ZNF609: variants seen among roughly 807,000 people sequenced by gnomAD.
The protein encoded by ZNF609 is zinc finger protein 609.
In ZNF609, 11 loss-of-function variants were observed where a neutral mutation model predicts 109.5. The ratio of observed to expected loss-of-function variants is 0.10; its 90% CI spans 0.06 to 0.17. The LOEUF is 0.17. Ranked by LOEUF, ZNF609 falls within the 10% of genes least tolerant of loss-of-function variation. The pLI, the probability that ZNF609 is intolerant of heterozygous loss-of-function variation, is 1.00. For missense variants in ZNF609, 1,559 were observed against 1,772.4 expected, an observed-to-expected ratio of 0.88 and a Z score of 2.16; for synonymous variants, 646 against 662.0, an observed-to-expected ratio of 0.98 and a Z score of 0.37.
chr15:64,671,209 CAAAAAAAAAAAAA>C (rs946787824), intron 4 of ZNF609: 2 of 47,186 alleles, frequency 4.2e-5, no homozygotes, highest in Admixed American at 4.4e-4. Flanking sequence ...GACTCCGTCT[CAAAAAAAAAAAAA>C]AAAAAAAAAA....
chr15:64,607,770 G>A lies in ZNF609; in HGVS notation c.748-15057G>A, dbSNP rs192096171. ...TCCACCCTCCTTGGCCCCCCAAAGT[G>A]CTGGGATTACAGGCGTCATCTACTG... On this transcript the variant is annotated intron_variant, in intron 2 of 9. Coordinates refer to ENST00000326648, the MANE Select transcript of ZNF609 (RefSeq NM_015042.2). 2.0e-5 allele frequency among the ~76,000 whole-genome samples: 3 copies of A among 151,334 alleles called. No individual in the cohort carries two copies. In the East Asian group the frequency reaches 5.8e-4, roughly 29 times the overall value.
chr15:64,663,563 G>C (rs1452122115), intron 3 of ZNF609, among the ~76,000 whole-genome samples: 1 of 152,112 alleles, frequency 6.6e-6, no homozygotes, highest in Non-Finnish European at 1.5e-5. Context: ...AGAGGTTGGG[G>C]CTAGGGATAG....
chr15:64,525,472 T>C (rs765608619), intron 2 of ZNF609, among the ~76,000 whole-genome samples: 1 of 152,224 alleles, frequency 6.6e-6, no homozygotes, highest in African/African-American at 2.4e-5. Flanking sequence ...ACAATCTTGA[T>C]TACTCATCTT....
At chr15:64,530,053 C>A (rs1894036258) in intron 2 of ZNF609, among the ~76,000 whole-genome samples, 1 of 151,228 alleles carries the variant, frequency 6.6e-6, no homozygotes, top group Non-Finnish European at 1.5e-5. Flanking sequence ...TAAACTCTGT[C>A]ACCCTGTCTG....
chr15:64,475,478 T>A (rs1893157101), intron 1 of ZNF609, among the ~76,000 whole-genome samples: 1 of 132,844 alleles, frequency 7.5e-6, no homozygotes, highest in African/African-American at 2.8e-5. Flanking sequence ...AACCTCCACC[T>A]CCCAGGTTCA....
chr15:64,609,681 A>AT (rs113533250), intron 2 of ZNF609, among the ~76,000 whole-genome samples: 9,416 of 142,094 alleles, frequency 0.066, 972 homozygotes, highest in African/African-American at 0.22. Context: ...TAAGGTTCTC[A>AT]TTTTTTTTTT....
At position 64,630,091 on chromosome 15, in the gene ZNF609, C is replaced by CT. The variant is rs200425813; in HGVS notation, c.973+7045dup. Reference sequence around the variant, plus strand: ...CCTACATTACCATCCTCCTAATTTTCTTTTTTCTTTTTTTTTTTTTTTTTG... The same window carrying CT: ...CCTACATTACCATCCTCCTAATTTTCTTTTTTTCTTTTTTTTTTTTTTTTTG... On this transcript the variant is annotated intron_variant, in intron 3 of 9. Transcript: ENST00000326648. Among the ~76,000 whole-genome samples, 110 of 143,078 alleles carry CT rather than the reference C, an allele frequency of 7.7e-4. 1 individual carries two copies. The highest frequency in any genetic ancestry group is 2.6e-3 in the African/African-American group (97 of 37,142). 93.9% of individuals were successfully genotyped at this position (143,078 alleles called of 152,430 possible).
At chr15:64,678,551 G>C (rs777247482) in intron 6 of ZNF609, 69 bp downstream of exon 6, 1 of 1,514,686 alleles carries the variant, frequency 6.6e-7, no homozygotes, top group Non-Finnish European at 8.8e-7. Flanking sequence ...TTCACATCCA[G>C]AGTTTTCTTG....
chr15:64,526,025 A>G (rs1194273557), intron 2 of ZNF609, among the ~76,000 whole-genome samples: 2 of 151,176 alleles, frequency 1.3e-5, no homozygotes, highest in African/African-American at 4.9e-5. Context: ...CCTGGCCTCG[A>G]GTGATCTGCC....
chr15:64,499,904 A>G lies in ZNF609; in HGVS notation c.485A>G (p.Asn162Ser), dbSNP rs370778220. The G allele has an allele frequency of 1.1e-5, 17 of 1,613,960 alleles. No homozygotes were observed. Among genetic ancestry groups the G allele is most frequent in the Middle Eastern group, 1.6e-4 (1 of 6,084 alleles). Reference protein sequence around the residue: ...SVAGSKKEKENSSSKSKKERS... With the variant: ...SVAGSKKEKESSSSKSKKERS... ...GCCGGTTCCAAAAAGGAGAAGGAGA[A>G]CAGCTCATCTAAGAGCAAGAAGGAG... The change falls in exon 2 of 10, where the codon AAC becomes AGC. Residue 162 changes from asparagine to serine, a missense_variant. By Grantham distance (46) the Asn-to-Ser change is conservative. Transcript: ENST00000326648.
chr15:64,508,674 G>C (rs1488523176), intron 2 of ZNF609, among the ~76,000 whole-genome samples: 1 of 149,498 alleles, frequency 6.7e-6, no homozygotes, highest in Non-Finnish European at 1.5e-5. Flanking sequence ...CTAGGCTTGA[G>C]ACCCAGAAAA....
At chr15:64,648,023 A>G (rs1013571769) in intron 3 of ZNF609, among the ~76,000 whole-genome samples, 3 of 152,212 alleles carry the variant, frequency 2.0e-5, no homozygotes, top group South Asian at 2.1e-4. Context: ...CGTAAAATCA[A>G]TAACCTGCTT....
chr15:64,485,939 C>T (rs1566995597), intron 1 of ZNF609, among the ~76,000 whole-genome samples: 1 of 152,170 alleles, frequency 6.6e-6, no homozygotes, highest in Non-Finnish European at 1.5e-5. Context: ...CCATTTTACT[C>T]ATAATCACTT....
intron 1 of ZNF609, among the ~76,000 whole-genome samples, chr15:64,479,283 G>GGTTTTT (rs1389448753): frequency 1.2e-4 from 8 of 64,384 alleles, no homozygotes; most frequent in Non-Finnish European, 1.6e-4. Context: ...GTACCTGTGT[G>GGTTTTT]ATTTTTTTTT....
At chr15:64,607,827 C>T (rs1895630740) in intron 2 of ZNF609, among the ~76,000 whole-genome samples, 1 of 13,506 alleles carries the variant, frequency 7.4e-5, no homozygotes, top group Admixed American at 1.4e-3. Flanking sequence ...TTCTTTCTTT[C>T]TTTCTTTCTT....
chr15:64,637,357 A>G (rs896536340), intron 3 of ZNF609, among the ~76,000 whole-genome samples: 5 of 152,204 alleles, frequency 3.3e-5, no homozygotes, highest in Non-Finnish European at 5.9e-5. Context: ...AAATTCTTGT[A>G]CATGTCTATT....
chr15:64,497,991 A>G (rs1221571407), intron 1 of ZNF609, among the ~76,000 whole-genome samples: 1 of 152,136 alleles, frequency 6.6e-6, no homozygotes, highest in African/African-American at 2.4e-5. Flanking sequence ...ATCATAAAAT[A>G]ATACTGGATG....
intron 2 of ZNF609, among the ~76,000 whole-genome samples, chr15:64,526,663 G>A (rs1893971901): frequency 6.6e-6 from 1 of 151,936 alleles, no homozygotes; most frequent in Non-Finnish European, 1.5e-5. Context: ...ACCCAGGCTG[G>A]AGTGCAGTGG....
intron 2 of ZNF609, among the ~76,000 whole-genome samples, chr15:64,535,616 A>G (rs1005757068): frequency 6.6e-6 from 1 of 152,230 alleles, no homozygotes; most frequent in African/African-American, 2.4e-5. Flanking sequence ...GTGTGTGAAC[A>G]TAAGTTTTCA....
Sources: gnomAD v4.1 joint callset for allele counts (sites outside exome capture counted in the v4.1 genomes callset) on GRCh38, gnomAD v4.1.1 for gene constraint, MANE v1.5 for transcripts, NCBI Gene and HGNC (gene_info 2026-07-23, HGNC 2026-07-21) for gene names.